Variants in SUN1 observed in about 807,000 individuals in gnomAD.
The protein encoded by SUN1 is Sad1 and UNC84 domain containing 1, also known as SUN domain-containing protein 1.
A neutral mutation model predicts 103.2 loss-of-function variants in SUN1; 61 were observed. The observed-to-expected ratio is 0.59, with a 90% CI of 0.48 to 0.73. SUN1 has a LOEUF of 0.73. Among genes scored for constraint, SUN1 ranks in the 30% least tolerant of loss-of-function variants. The pLI is 0.00. For synonymous variants in SUN1, 490 were observed against 425.7 expected, an observed-to-expected ratio of 1.15 and a Z score of -1.86; for missense variants, 1,052 against 1,034.6, an observed-to-expected ratio of 1.02 and a Z score of -0.23.
rs71546461 is a variant in SUN1 at position 821,158 on chromosome 7, C to CTTTTTTT, written c.-74+4508_-74+4514dup. Reference sequence around the variant, plus strand: ...ATGCTAACATCTATATTCAGCACATCTTTTTTTTTTTTTTTTTTTTTTTTT... The same window carrying CTTTTTTT: ...ATGCTAACATCTATATTCAGCACATCTTTTTTTTTTTTTTTTTTTTTTTTTTTTTTTT... On this transcript the variant is annotated intron_variant, in intron 1 of 17. Coordinates refer to the SUN1 transcript ENST00000389574. 5.5e-4 allele frequency among the ~76,000 whole-genome samples: 38 copies of CTTTTTTT among 69,000 alleles called. 7 individuals are homozygous for CTTTTTTT. The highest frequency in any genetic ancestry group is 6.4e-4 in the Non-Finnish European group (23 of 35,814). The allele number at this position is 69,000 out of a possible 152,430, so 45.3% of individuals were successfully genotyped here.
chr7:853,358 G>T, intron 9 of SUN1, 51 bp from the exon 10 acceptor site: 1 of 1,601,252 alleles, frequency 6.2e-7, no homozygotes, highest in Non-Finnish European at 8.5e-7. Flanking sequence ...AACTGACTCT[G>T]TGCTCATGCT....
At chr7:865,931 C>A in intron 15 of SUN1, 21 bp from the exon 16 acceptor site, 1 of 1,607,182 alleles carries the variant, frequency 6.2e-7, no homozygotes, top group South Asian at 1.1e-5. Flanking sequence ...ACACTGAGAC[C>A]GATCTGAACT....
At chr7:827,159 C>G (rs2128186080) in intron 1 of SUN1, among the ~76,000 whole-genome samples, 2 of 152,150 alleles carry the variant, frequency 1.3e-5, no homozygotes, top group Middle Eastern at 6.8e-3. Flanking sequence ...GTAGTTGGGA[C>G]TACAGGCACG....
chr7:857,563 C>T (rs1218926558), intron 12 of SUN1, among the ~76,000 whole-genome samples: 1 of 152,204 alleles, frequency 6.6e-6, no homozygotes, highest in East Asian at 1.9e-4. Context: ...CACTGAGAAA[C>T]ACTGCTAGCA....
At position 817,236 on chromosome 7, in the gene SUN1, A is replaced by T. The variant is rs924138352; in HGVS notation, c.-74+563A>T. ...CCGCCTCCCGAAGCGCTCGGATCACAGGCGTGAGCCACCGCGCCCGGCTGA... is the reference window on the plus strand; with the variant it reads ...CCGCCTCCCGAAGCGCTCGGATCACTGGCGTGAGCCACCGCGCCCGGCTGA... On this transcript the variant is annotated intron_variant, in intron 1 of 17. Transcript: ENST00000389574. 4.8e-6 allele frequency: 3 copies of T among 627,310 alleles called. No individual in the cohort carries two copies. The African/African-American group carries it at 5.5e-5, about 11-fold the overall frequency. 38.9% of individuals were successfully genotyped at this position (627,310 alleles called of 1,614,324 possible).
At position 851,388 on chromosome 7, in the gene SUN1, C is replaced by A. The variant is rs749218098; in HGVS notation, c.663C>A (p.Tyr221Ter). 6.2e-7 allele frequency: 1 copy of A among 1,600,452 alleles called. No individual in the cohort carries two copies. Among genetic ancestry groups the A allele is most frequent in the South Asian group, 1.1e-5 (1 of 88,544 alleles). The change falls in exon 6 of 19, where the codon TAC becomes TAA. Residue 221 changes from tyrosine to a stop codon, truncating the protein, a stop_gained. Coordinates refer to ENST00000401592, the MANE Select transcript of SUN1 (RefSeq NM_001130965.3). LOFTEE classifies it high-confidence loss of function. ...VYSRDRNQKC[Y>*]FLLQILRRIG... ...ACACACGTCTTCCCTGCACAGGTTA[C>A]TTCTTGCTGCAGATTCTGCGCAGGA... is the stretch of plus-strand genomic sequence containing the variant.
At chr7:842,508 A>G (rs557668496) in intron 3 of SUN1, 1 of 213,126 alleles carries the variant, frequency 4.7e-6, no homozygotes, top group South Asian at 9.2e-5. Flanking sequence ...CAATCCAAAA[A>G]CTTCAGTGTG....
rs1281923789 is a variant in SUN1, at chr7:852,898, T to TG, written c.1000dup (p.Asp334GlyfsTer7). 6.2e-7 allele frequency: 1 copy of TG among 1,614,124 alleles called. No individual in the cohort carries two copies. Among genetic ancestry groups the TG allele is most frequent in the Non-Finnish European group, 8.5e-7 (1 of 1,180,020 alleles). The stretch of plus-strand genomic sequence containing the variant: ...GCATGCATAGAACACAGCGGGTGGA[T>TG]GACCCCCAGGACGTGTTTAAACCCA... On this transcript the variant is annotated frameshift_variant, in exon 9 of 19. Coordinates refer to ENST00000401592, the MANE Select transcript of SUN1 (RefSeq NM_001130965.3). LOFTEE classifies it high-confidence loss of function.
At position 851,408 on chromosome 7, in the gene SUN1, G is replaced by A. The variant is rs773328901; in HGVS notation, c.683G>A (p.Arg228His). The A allele has an allele frequency of 1.7e-5, 28 of 1,608,044 alleles. No individual in the cohort carries two copies. In the Admixed American group the frequency reaches 2.7e-4, roughly 16 times the overall value. Residue 228 changes from arginine to histidine, a missense_variant, in exon 6 of 19, where the codon CGC becomes CAC. Around this residue, in one of 2 missense-constraint regions of SUN1, gnomAD observed 846 missense variants for 774.5 expected, o/e 1.09. Transcript: ENST00000401592. The part of the protein sequence containing the change: ...QKCYFLLQIL[R>H]RIGAVGQAVS... ...GGTTACTTCTTGCTGCAGATTCTGC[G>A]CAGGATCGGAGCTGTGGGCCAGGCT...
intron 15 of SUN1, 31 bp from the exon 16 acceptor site, chr7:865,921 A>G: frequency 1.3e-6 from 2 of 1,589,008 alleles, no homozygotes; most frequent in Non-Finnish European, 1.7e-6. Context: ...GTGGAACTGG[A>G]CACTGAGACC....
chr7:848,142 CAG>C (rs1337754071), intron 5 of SUN1, among the ~76,000 whole-genome samples: 1,689 of 146,016 alleles, frequency 0.012, no homozygotes, highest in South Asian at 0.014. Flanking sequence ...CTCCGCAGTC[CAG>C]TCTCCAGGAT....
At chr7:825,534 A>T (rs1044108596) in intron 1 of SUN1, among the ~76,000 whole-genome samples, 1 of 152,260 alleles carries the variant, frequency 6.6e-6, no homozygotes, top group African/African-American at 2.4e-5. Context: ...GTATGCGTGT[A>T]TAAAATATGT....
intron 18 of SUN1, among the ~76,000 whole-genome samples, chr7:872,916 G>C (rs1210163045): frequency 1.3e-5 from 2 of 152,080 alleles, no homozygotes; most frequent in Middle Eastern, 3.4e-3. Flanking sequence ...GCGAAACCCG[G>C]TCTCTACTAA....
rs113315117 is a variant in SUN1, at chr7:853,718, G to A, written c.1263+100G>A. ...AGACAGAGGGGACAGGAGAGGTGCC[G>A]TTGTGAAAAGGGGTTGCCCTTTCTG... On this transcript the variant is annotated intron_variant, in intron 10 of 18. Transcript: ENST00000401592. 81 of 1,314,282 alleles carry A rather than the reference G, an allele frequency of 6.2e-5. No homozygotes were observed. The African/African-American group carries it at 7.9e-4, about 13-fold the overall frequency. The allele number at this position is 1,314,282 out of a possible 1,614,324, so 81.4% of individuals were successfully genotyped here.
chr7:843,777 A>C (rs1812458252), intron 5 of SUN1: 1 of 1,425,398 alleles, frequency 7.0e-7, no homozygotes, highest in African/African-American at 1.4e-5. Context: ...GAAAATTTCT[A>C]CGTAAGCGAA....
In SUN1 at chr7:851,972, C is replaced by T; in HGVS notation, c.780C>T (p.Phe260=). 1.2e-6 allele frequency: 2 copies of T among 1,614,050 alleles called. No individual in the cohort carries two copies. The highest frequency in any genetic ancestry group is 1.7e-6 in the Non-Finnish European group (2 of 1,179,964). The change falls in exon 7 of 19, where the codon TTC becomes TTT. Residue 260 remains phenylalanine (F), a synonymous_variant. Transcript: ENST00000401592. The part of the protein sequence containing the change: ...VAPGKAASGV[F]WWLGIGWYQF... Reference sequence around the variant, plus strand: ...TAGGGAAGGCAGCCTCTGGAGTGTTCTGGTGGCTGGGGATTGGATGGTACC... The same window carrying T: ...TAGGGAAGGCAGCCTCTGGAGTGTTTTGGTGGCTGGGGATTGGATGGTACC...
Position 852,676 on chromosome 7 carries a change from A to G in SUN1, c.910+9A>G. On this transcript the variant is annotated intron_variant, in intron 8 of 18. Transcript: ENST00000401592. ...ACTCTTCCTTTTACTAGGTAAGTCA[A>G]ATCTGGCTGAGTTGCCTCCGATGGC... is the stretch of plus-strand genomic sequence containing the variant. 1 of 1,614,214 alleles carries G rather than the reference A, an allele frequency of 6.2e-7. No individual in the cohort carries two copies. The highest frequency in any genetic ancestry group is 8.5e-7 in the Non-Finnish European group (1 of 1,180,030).
chr7:817,636 C>A (rs1308712574), intron 1 of SUN1: 2 of 1,050,426 alleles, frequency 1.9e-6, no homozygotes, highest in Admixed American at 2.7e-5. Flanking sequence ...GAAGTGCTTG[C>A]GGCTCTAATT....
At position 866,014 on chromosome 7, in the gene SUN1, C is replaced by T; in HGVS notation, c.1927C>T (p.Leu643=). The change falls in exon 16 of 19, where the codon CTG becomes TTG. Residue 643 remains leucine (L), a synonymous_variant. Transcript: ENST00000401592. ...CGAAACCAAAACGGCGCTGATGAGT[C>T]TGTTTGGGATCCCGCTGTGGTACTT... is the stretch of plus-strand genomic sequence containing the variant. ...TYETKTALMS[L]FGIPLWYFSQ... 6.2e-7 allele frequency: 1 copy of T among 1,614,156 alleles called. No individual in the cohort carries two copies. The highest frequency in any genetic ancestry group is 1.1e-5 in the South Asian group (1 of 91,072).
Sources: allele counts gnomAD v4.1 joint callset (sites outside exome capture counted in the v4.1 genomes callset), GRCh38; gene constraint gnomAD v4.1.1; regional missense constraint gnomAD v4.1.1; transcripts MANE v1.5; gene names NCBI Gene and HGNC (gene_info 2026-07-23, HGNC 2026-07-21).